TIMM44: variants seen among roughly 807,000 people sequenced by gnomAD.
TIMM44 encodes the protein translocase of inner mitochondrial membrane 44.
A neutral mutation model predicts 63.8 loss-of-function variants in TIMM44; 37 were observed. That is an observed-to-expected ratio of 0.58 (90% CI 0.45 to 0.76). The LOEUF (loss-of-function observed/expected upper bound fraction) is 0.76, where lower values mean the gene tolerates loss of function less well. Ranked by LOEUF, TIMM44 falls within the 30% of genes least tolerant of loss-of-function variation. The pLI is 0.00. For synonymous variants in TIMM44, 239 were observed against 245.1 expected (o/e 0.98, Z 0.23); for missense variants, 573 against 603.8 (o/e 0.95, Z 0.54).
chr19:7,933,501 G>T lies in TIMM44; in HGVS notation c.753C>A (p.Asn251Lys), dbSNP rs118048213. 11 of 1,614,082 alleles carry T rather than the reference G, an allele frequency of 6.8e-6. No individual in the cohort carries two copies. Among genetic ancestry groups the T allele is most frequent in the Non-Finnish European group, 9.3e-6 (11 of 1,179,956 alleles). Residue 251 changes from asparagine to lysine, a missense_variant, in exon 7 of 13, where the codon AAC becomes AAA. Coordinates refer to ENST00000270538, the MANE Select transcript of TIMM44 (RefSeq NM_006351.4). This position sits in a 1 kb window ranked among gnomAD's most constrained non-coding sequence, Gnocchi z 4.3. ...WYQQWKDFKE[N>K]NVVFNRFFEM... Reference sequence around the variant, plus strand: ...TTCACTCACGGTTAAACACCACGTTGTTCTCCTTGAAGTCCTTCCACTGCT... The same window carrying T: ...TTCACTCACGGTTAAACACCACGTTTTTCTCCTTGAAGTCCTTCCACTGCT...
intron 9 of TIMM44, chr19:7,931,410 G>A (rs1397028849): frequency 1.8e-5 from 10 of 565,840 alleles, no homozygotes; most frequent in Admixed American, 1.5e-4. Flanking sequence ...GGCGGAGGGC[G>A]GCCTGCGGGC....
In TIMM44 at chr19:7,943,664, T is replaced by C. The variant is rs993485763; in HGVS notation, c.-13A>G. On this transcript the variant is annotated 5_prime_UTR_variant, in exon 1 of 13. Coordinates refer to ENST00000270538, the MANE Select transcript of TIMM44 (RefSeq NM_006351.4). This position sits in a 1 kb window ranked among gnomAD's most constrained non-coding sequence, Gnocchi z 4.3. ...CCGCCGCCGCCATGTTGGAGAATCG[T>C]GTGACCTTCTCGCGGCGCGGCCCGG... 3 of 1,555,754 alleles carry C rather than the reference T, an allele frequency of 1.9e-6. No individual in the cohort carries two copies. The highest frequency in any genetic ancestry group is 1.4e-5 in the African/African-American group (1 of 73,634).
intron 2 of TIMM44, among the ~76,000 whole-genome samples, chr19:7,938,889 G>A (rs1226733173): frequency 2.0e-5 from 3 of 152,128 alleles, no homozygotes; most frequent in Non-Finnish European, 2.9e-5. Flanking sequence ...AACCTTAAAT[G>A]TATATTGCAC....
intron 3 of TIMM44, chr19:7,937,824 C>T: frequency 1.1e-5 from 6 of 561,632 alleles, no homozygotes; most frequent in Non-Finnish European, 1.9e-5. Context: ...TCGAGACCAG[C>T]CTGGCCAACA....
intron 10 of TIMM44, among the ~76,000 whole-genome samples, chr19:7,930,001 A>C (rs1162812905): frequency 1.3e-5 from 2 of 150,226 alleles, no homozygotes; most frequent in Non-Finnish European, 3.0e-5. Context: ...GGCGCCCACC[A>C]CCAGGCCTGG....
chr19:7,940,484 A>G (rs1318247110), intron 2 of TIMM44, among the ~76,000 whole-genome samples: 1 of 151,752 alleles, frequency 6.6e-6, no homozygotes, highest in East Asian at 1.9e-4. Flanking sequence ...CCTGTCCCAC[A>G]CCCACGATGG....
intron 1 of TIMM44, among the ~76,000 whole-genome samples, chr19:7,941,901 G>A (rs560261589): frequency 4.1e-4 from 62 of 152,214 alleles, no homozygotes; most frequent in Non-Finnish European, 8.5e-4. Flanking sequence ...CTCCAAAGAT[G>A]AGAGAACTGG....
rs1984034836 is a variant in TIMM44 at position 7,933,086 on chromosome 19, G to A, written c.770-154C>T. Among the ~76,000 whole-genome samples, 1 of 152,158 alleles carries A rather than the reference G, an allele frequency of 6.6e-6. No homozygotes were observed. Among genetic ancestry groups the A allele is most frequent in the Admixed American group, 6.5e-5 (1 of 15,286 alleles). ...CGGCTGTGGACCTGCATCCTCATCT[G>A]TGCTTGGGGACCGCTGCCTGCCCAC... On this transcript the variant is annotated intron_variant, in intron 7 of 12. Coordinates refer to ENST00000270538, the MANE Select transcript of TIMM44 (RefSeq NM_006351.4). The surrounding 1 kb of genome is among the most constrained non-coding windows in gnomAD (Gnocchi z 4.3).
chr19:7,930,247 C>T (rs1983940901), intron 10 of TIMM44, among the ~76,000 whole-genome samples: 1 of 151,988 alleles, frequency 6.6e-6, no homozygotes, highest in Admixed American at 6.6e-5. Flanking sequence ...AAGTGATCCT[C>T]CCACCTCAGC....
rs751854513 is a variant in TIMM44, at chr19:7,933,525, C to T, written c.729G>A (p.Gln243=). ...TGTTCTCCTTGAAGTCCTTCCACTG[C>T]TGGTACCACTTGGAGTCCTTGTGCA... is the stretch of plus-strand genomic sequence containing the variant. ...VVLHKDSKWY[Q]QWKDFKENNV... The change falls in exon 7 of 13, where the codon CAG becomes CAA. Residue 243 remains glutamine (Q), a synonymous_variant. Transcript: ENST00000270538. The surrounding 1 kb of genome is among the most constrained non-coding windows in gnomAD (Gnocchi z 4.3). 3.1e-6 allele frequency: 5 copies of T among 1,614,018 alleles called. No individual in the cohort carries two copies. Among genetic ancestry groups the T allele is most frequent in the Non-Finnish European group, 4.2e-6 (5 of 1,180,020 alleles).
intron 10 of TIMM44, chr19:7,928,495 A>C: frequency 2.9e-6 from 1 of 341,598 alleles, no homozygotes; most frequent in South Asian, 3.4e-5. Flanking sequence ...TAATACTTCC[A>C]TATTCGCCGC....
intron 3 of TIMM44, 126 bp downstream of exon 3, chr19:7,937,901 C>T (rs918539900): frequency 1.7e-6 from 2 of 1,199,728 alleles, no homozygotes; most frequent in African/African-American, 1.5e-5. Context: ...GCCTGTAAGC[C>T]CAGCTACTCA....
chr19:7,932,941 G>C lies in TIMM44; in HGVS notation c.770-9C>G, dbSNP rs1419108147. 2.5e-6 allele frequency: 4 copies of C among 1,612,670 alleles called. No homozygotes were observed. Among genetic ancestry groups the C allele is most frequent in the African/African-American group, 2.7e-5 (2 of 74,914 alleles). On this transcript the variant is annotated splice_polypyrimidine_tract_variant and intron_variant, in intron 7 of 12. Transcript: ENST00000270538. ...CTTCATCTCGAAGAACCCTGTGGAAGATGGGGTAGGTGCTGGAGAAGGGGC... is the reference window on the plus strand; with the variant it reads ...CTTCATCTCGAAGAACCCTGTGGAACATGGGGTAGGTGCTGGAGAAGGGGC...
At chr19:7,931,012 T>TC in intron 10 of TIMM44, 126 bp downstream of exon 10, 1 of 793,118 alleles carries the variant, frequency 1.3e-6, no homozygotes, top group Non-Finnish European at 2.1e-6. Context: ...ACGTGAGGAT[T>TC]CCCCCACCGG....
In TIMM44 at chr19:7,933,219, C is replaced by T. The variant is rs1029253792; in HGVS notation, c.769+266G>A. 1.3e-5 allele frequency among the ~76,000 whole-genome samples: 2 copies of T among 152,206 alleles called. No homozygotes were observed. Among genetic ancestry groups the T allele is most frequent in the Non-Finnish European group, 2.9e-5 (2 of 68,032 alleles). ...GCTTTCACTACAAAGGAAACACAGGCCTCTAGCAGTCCTCACAGGACAAGG... is the reference window on the plus strand; with the variant it reads ...GCTTTCACTACAAAGGAAACACAGGTCTCTAGCAGTCCTCACAGGACAAGG... On this transcript the variant is annotated intron_variant, in intron 7 of 12. Transcript: ENST00000270538. The surrounding 1 kb of genome is among the most constrained non-coding windows in gnomAD (Gnocchi z 4.3).
intron 1 of TIMM44, among the ~76,000 whole-genome samples, chr19:7,941,723 C>T (rs1315567103): frequency 6.6e-6 from 1 of 152,016 alleles, no homozygotes; most frequent in Non-Finnish European, 1.5e-5. Flanking sequence ...CATCTATCCT[C>T]GTGCCCCTGA....
At position 7,934,822 on chromosome 19, in the gene TIMM44, G is replaced by A. The variant is rs942300612; in HGVS notation, c.393+243C>T. On this transcript the variant is annotated intron_variant, in intron 4 of 12. Coordinates refer to ENST00000270538, the MANE Select transcript of TIMM44 (RefSeq NM_006351.4). The surrounding 1 kb of genome is among the most constrained non-coding windows in gnomAD (Gnocchi z 5.3). The stretch of plus-strand genomic sequence containing the variant: ...GGAAAAACATTTTCATGTTCTCCTC[G>A]AGTCCTGGCTAGCAGCACTTACTGC... 5.3e-5 allele frequency among the ~76,000 whole-genome samples: 8 copies of A among 152,236 alleles called. No homozygotes were observed. Among genetic ancestry groups the A allele is most frequent in the African/African-American group, 1.9e-4 (8 of 41,544 alleles).
intron 10 of TIMM44, among the ~76,000 whole-genome samples, chr19:7,930,300 GCTCT>G (rs1288664872): frequency 2.8e-5 from 4 of 140,824 alleles, no homozygotes; most frequent in African/African-American, 5.4e-5. Flanking sequence ...TCCATGCTTG[GCTCT>G]TTTTTTTTTT....
Position 7,941,025 on chromosome 19 carries a change from C to T in TIMM44, c.141+77G>A, listed in dbSNP as rs1262666350. ...GTACGAGCCACCTCTACAGCCCCAC[C>T]CCTCCCTCCTGCCAATGGGATCTGA... On this transcript the variant is annotated intron_variant, in intron 2 of 12. Coordinates refer to ENST00000270538, the MANE Select transcript of TIMM44 (RefSeq NM_006351.4). 8.4e-6 allele frequency: 10 copies of T among 1,191,048 alleles called. No homozygotes were observed. In the Admixed American group the frequency reaches 1.7e-4, roughly 20 times the overall value. 73.8% of individuals were successfully genotyped at this position (1,191,048 alleles called of 1,614,324 possible). A position where few individuals can be genotyped will look rare whatever the true frequency, so the allele number is the denominator to read the frequency against.
Sources: gnomAD v4.1 joint callset for allele counts (sites outside exome capture counted in the v4.1 genomes callset) on GRCh38, gnomAD v4.1.1 for gene constraint, Gnocchi (gnomAD v3.1) non-coding constraint, MANE v1.5 for transcripts, NCBI Gene and HGNC (gene_info 2026-07-23, HGNC 2026-07-21) for gene names.